Variants in CHRNA2 observed in about 807,000 individuals in gnomAD.
CHRNA2 encodes the protein cholinergic receptor nicotinic alpha 2 subunit.
CHRNA2 carries 40 observed loss-of-function variants against 45.5 expected under a neutral mutation model. The observed-to-expected ratio is 0.88, with a 90% CI of 0.68 to 1.15. CHRNA2 has a LOEUF of 1.15. Among genes scored for constraint, CHRNA2 ranks in the 50% most tolerant of loss-of-function variants. The pLI, the probability that CHRNA2 is intolerant of heterozygous loss-of-function variation, is 0.00. For synonymous variants in CHRNA2, 301 were observed against 296.7 expected (o/e 1.01, Z -0.15); for missense variants, 655 against 701.7 (o/e 0.93, Z 0.75).
chr8:27,478,299 A>G (rs7835991), intron 1 of CHRNA2, among the ~76,000 whole-genome samples: 4,255 of 152,282 alleles, frequency 0.028, 179 homozygotes, highest in African/African-American at 0.088. Flanking sequence ...GTTTTGCTCA[A>G]TCACAGAAGT....
chr8:27,475,669 T>C (rs1813039564), intron 1 of CHRNA2, among the ~76,000 whole-genome samples: 1 of 152,220 alleles, frequency 6.6e-6, no homozygotes, highest in Non-Finnish European at 1.5e-5. Flanking sequence ...CGATGAACTA[T>C]ATACAGTTAA....
At position 27,469,843 on chromosome 8, in the gene CHRNA2, T is replaced by C. The variant is rs79290097; in HGVS notation, c.212A>G (p.Asn71Ser). The C allele has an allele frequency of 5.6e-6, 9 of 1,613,942 alleles. No individual in the cohort carries two copies. Among genetic ancestry groups the C allele is most frequent in the African/African-American group, 1.3e-5 (1 of 74,916 alleles). Residue 71 changes from asparagine (N) to serine (S), a missense_variant, in exon 3 of 7, where the codon AAC (asparagine) becomes AGC (serine). Transcript: ENST00000407991. ...GTTGGGCACCGGGCGCGCCCAGCGG[T>C]TGTAGCCCCGGAAGAGGTGTTTGAA... ...RLFKHLFRGY[N>S]RWARPVPNTS...
chr8:27,469,278 C>G, intron 4 of CHRNA2, 57 bp downstream of exon 4: 1 of 1,513,606 alleles, frequency 6.6e-7, no homozygotes, highest in Admixed American at 2.0e-5. Flanking sequence ...CTGGAGGGGT[C>G]TGGGGTCCAT....
intron 3 of CHRNA2, 83 bp downstream of exon 3, chr8:27,469,678 T>C: frequency 1.3e-6 from 2 of 1,538,314 alleles, no homozygotes; most frequent in Non-Finnish European, 1.8e-6. Flanking sequence ...AGGGCAGGGC[T>C]GGGGTAGAGG....
intron 1 of CHRNA2, chr8:27,477,105 T>A (rs1813084980): frequency 6.6e-6 from 1 of 152,090 alleles, no homozygotes. Flanking sequence ...TAGAATGCGA[T>A]AAATTATAAC....
intron 5 of CHRNA2, among the ~76,000 whole-genome samples, chr8:27,464,303 G>A (rs1177960067): frequency 6.6e-6 from 1 of 151,938 alleles, no homozygotes; most frequent in Non-Finnish European, 1.5e-5. Context: ...AATGTAAAAC[G>A]ATTATATATA....
At chr8:27,467,133 G>A in intron 5 of CHRNA2, 96 bp downstream of exon 5, 1 of 846,170 alleles carries the variant, frequency 1.2e-6, no homozygotes, top group East Asian at 2.5e-5. Context: ...AAGGAGGCGA[G>A]GAAGCTGACA....
At chr8:27,466,831 T>C (rs569544253) in intron 5 of CHRNA2, among the ~76,000 whole-genome samples, 1 of 152,314 alleles carries the variant, frequency 6.6e-6, no homozygotes, top group South Asian at 2.1e-4. Context: ...GGAAACTGCA[T>C]ACCAAGTGAG....
At position 27,463,317 on chromosome 8, in the gene CHRNA2, G is replaced by T; in HGVS notation, c.1126C>A (p.Arg376=). The change falls in exon 6 of 7, where the codon CGG becomes AGG. Residue 376 remains arginine (R), a synonymous_variant. Transcript: ENST00000407991. The surrounding 1 kb of genome is among the most constrained non-coding windows in gnomAD (Gnocchi z 6.1). ...VRGALLGCVP[R]WLLMNRPPPP... is the part of the protein sequence containing the mutation. ...GGGGGCCGGTTCATCAGAAGCCACC[G>T]GGGCACACAGCCCAGAAGGGCCCCC... 2 of 1,612,466 alleles carry T rather than the reference G, an allele frequency of 1.2e-6. No homozygotes were observed. The highest frequency in any genetic ancestry group is 1.7e-6 in the Non-Finnish European group (2 of 1,178,858).
chr8:27,463,337 GC>G lies in CHRNA2; in HGVS notation c.1105del (p.Ala369ProfsTer11), dbSNP rs757376257. 1.9e-6 allele frequency: 3 copies of G among 1,613,672 alleles called. No individual in the cohort carries two copies. Among genetic ancestry groups the G allele is most frequent in the African/African-American group, 2.7e-5 (2 of 74,932 alleles). ...CCACCGGGGCACACAGCCCAGAAGG[GC>G]CCCCCGCACCCAGTGGGGCATGGTG... The part of the protein sequence containing the change: ...THTMPHWVRG[A>X]LLGCVPRWLL... On this transcript the variant is annotated frameshift_variant, in exon 6 of 7. Transcript: ENST00000407991. LOFTEE classifies it high-confidence loss of function. This position sits in a 1 kb window ranked among gnomAD's most constrained non-coding sequence, Gnocchi z 6.1.
chr8:27,466,974 C>A (rs766209846), intron 5 of CHRNA2, among the ~76,000 whole-genome samples: 4 of 152,196 alleles, frequency 2.6e-5, no homozygotes, highest in Admixed American at 1.3e-4. Context: ...TCAGTATGGA[C>A]AAATCTCTGT....
At chr8:27,470,922 C>A (rs1408411840) in intron 2 of CHRNA2, 64 bp downstream of exon 2, 1 of 1,547,084 alleles carries the variant, frequency 6.5e-7, no homozygotes. Flanking sequence ...CAGACTCCTT[C>A]CTACAATTTG....
At position 27,461,536 on chromosome 8, in the gene CHRNA2, C is replaced by T. The variant is rs2132645798; in HGVS notation, c.*93G>A. The T allele has an allele frequency of 6.4e-7, 1 of 1,571,024 alleles. No individual in the cohort carries two copies. Among genetic ancestry groups the T allele is most frequent in the South Asian group, 1.1e-5 (1 of 89,174 alleles). On this transcript the variant is annotated 3_prime_UTR_variant, in exon 7 of 7. Coordinates refer to ENST00000407991, the MANE Select transcript of CHRNA2 (RefSeq NM_000742.4). ...CAGACTCCGCGGAGAGGCACCTGCT[C>T]ATCCCAAAGGGGACACCAGAGGCAG...
In CHRNA2 at chr8:27,461,431, G is replaced by A; in HGVS notation, c.*198C>T. The A allele has an allele frequency of 1.4e-6, 1 of 720,042 alleles. No individual in the cohort carries two copies. The highest frequency in any genetic ancestry group is 2.2e-6 in the Non-Finnish European group (1 of 447,632). The allele number at this position is 720,042 out of a possible 1,614,324, so 44.6% of individuals were successfully genotyped here. On this transcript the variant is annotated 3_prime_UTR_variant, in exon 7 of 7. Transcript: ENST00000407991. ...CCCAGCTCCTCCGTATCCAAAACAG[G>A]GCTTTGCACCCAGCAGGCTGTCAGC...
chr8:27,465,950 C>T (rs1356050894), intron 5 of CHRNA2, among the ~76,000 whole-genome samples: 2 of 152,140 alleles, frequency 1.3e-5, no homozygotes, highest in Admixed American at 6.5e-5. Context: ...CAGGTAACAC[C>T]GGCTGAAGTC....
At position 27,462,991 on chromosome 8, in the gene CHRNA2, A is replaced by G. The variant is rs1305103568; in HGVS notation, c.1452T>C (p.Asp484=). ...AACCCCAACGCACCGAAGAGTCAGC[A>G]TCCTCAGACCGCAGGTGGTCGGCAA... ...HYIADHLRSE[D]ADSSVKEDWK... The change falls in exon 6 of 7, where the codon GAT becomes GAC. Residue 484 remains aspartate (D), a synonymous_variant. Transcript: ENST00000407991. 1 of 1,614,106 alleles carries G rather than the reference A, an allele frequency of 6.2e-7. No homozygotes were observed. Among genetic ancestry groups the G allele is most frequent in the South Asian group, 1.1e-5 (1 of 91,092 alleles).
At position 27,461,988 on chromosome 8, in the gene CHRNA2, G is replaced by A. The variant is rs557111575; in HGVS notation, c.1465-234C>T. ...CCCTCCCATCCCAGCCCCTCCACAT[G>A]CCCAGACCTGTCCATATTATGCTCC... is the stretch of plus-strand genomic sequence containing the variant. On this transcript the variant is annotated intron_variant, in intron 6 of 6. Coordinates refer to ENST00000407991, the MANE Select transcript of CHRNA2 (RefSeq NM_000742.4). 3.3e-5 allele frequency among the ~76,000 whole-genome samples: 5 copies of A among 152,320 alleles called. No individual in the cohort carries two copies. The South Asian group carries it at 8.3e-4, about 25-fold the overall frequency.
chr8:27,468,862 T>C (rs1276948601), intron 4 of CHRNA2, among the ~76,000 whole-genome samples: 1 of 152,170 alleles, frequency 6.6e-6, no homozygotes, highest in Non-Finnish European at 1.5e-5. Flanking sequence ...GCTGTGAGCC[T>C]CTAAGTTTGG....
chr8:27,470,795 C>T (rs1812855696), intron 2 of CHRNA2, among the ~76,000 whole-genome samples, 191 bp downstream of exon 2: 1 of 152,226 alleles, frequency 6.6e-6, no homozygotes, highest in Non-Finnish European at 1.5e-5. Flanking sequence ...TTTAAGGTGA[C>T]ACAGATGCTA....
Sources: gnomAD v4.1 joint callset for allele counts (sites outside exome capture counted in the v4.1 genomes callset) on GRCh38, gnomAD v4.1.1 for gene constraint, Gnocchi (gnomAD v3.1) non-coding constraint, MANE v1.5 for transcripts, NCBI Gene and HGNC (gene_info 2026-07-23, HGNC 2026-07-21) for gene names.